DCDC2C: variants seen among roughly 807,000 people sequenced by gnomAD.
DCDC2C encodes the protein doublecortin domain-containing protein 2C.
A neutral mutation model predicts 45.0 loss-of-function variants in DCDC2C; 44 were observed. The observed-to-expected ratio is 0.98, with a 90% CI of 0.77 to 1.26. The LOEUF is 1.26. DCDC2C is among the 50% of genes most tolerant of loss of function. The pLI, the probability that DCDC2C is intolerant of heterozygous loss-of-function variation, is 0.00. For synonymous variants in DCDC2C, 187 were observed against 178.8 expected (o/e 1.05, Z -0.37); for missense variants, 447 against 468.9 (o/e 0.95, Z 0.43).
chr2:3,844,995 G>A (rs924589610), intron 10 of DCDC2C, among the ~76,000 whole-genome samples: 5 of 152,024 alleles, frequency 3.3e-5, no homozygotes, highest in East Asian at 1.9e-4. Context: ...CACAACACAC[G>A]CATCTATGTA....
intron 10 of DCDC2C, among the ~76,000 whole-genome samples, chr2:3,786,700 T>G (rs1157017262): frequency 1.3e-5 from 2 of 151,830 alleles, no homozygotes; most frequent in Non-Finnish European, 2.9e-5. Flanking sequence ...CCGGTGCGGG[T>G]GTGTCCCGCC....
At chr2:3,769,249 T>C in intron 7 of DCDC2C, 62 bp from the exon 8 acceptor site, 3 of 1,480,722 alleles carry the variant, frequency 2.0e-6, no homozygotes, top group Non-Finnish European at 2.8e-6. Context: ...GGTCAGGAAA[T>C]ATGCAGTGGA....
chr2:3,762,250 C>T (rs990620117), intron 6 of DCDC2C, among the ~76,000 whole-genome samples: 3 of 148,240 alleles, frequency 2.0e-5, no homozygotes, highest in Non-Finnish European at 4.4e-5. Flanking sequence ...TGTCCTGCTC[C>T]TGTCCTTGGA....
intron 4 of DCDC2C, among the ~76,000 whole-genome samples, chr2:3,750,585 CT>C (rs1370326930): frequency 6.6e-6 from 1 of 152,086 alleles, no homozygotes; most frequent in Admixed American, 6.6e-5. Flanking sequence ...TGTGTTGCTG[CT>C]GAAAGGCCCC....
intron 3 of DCDC2C, among the ~76,000 whole-genome samples, chr2:3,737,089 G>A (rs1669052675): frequency 6.6e-6 from 1 of 152,100 alleles, no homozygotes; most frequent in Admixed American, 6.5e-5. Context: ...CCCCGCCACT[G>A]CCCATCCAGA....
At chr2:3,808,190 GCTTT>G (rs1368145507) in intron 10 of DCDC2C, among the ~76,000 whole-genome samples, 2 of 152,146 alleles carry the variant, frequency 1.3e-5, no homozygotes, top group Non-Finnish European at 2.9e-5. Flanking sequence ...CTCACCAGCA[GCTTT>G]CTTTATCAAT....
intron 4 of DCDC2C, among the ~76,000 whole-genome samples, chr2:3,749,675 A>G (rs1669480783): frequency 2.0e-5 from 3 of 152,188 alleles, no homozygotes; most frequent in Admixed American, 1.3e-4. Flanking sequence ...TGGGCGGCCA[A>G]GGTGTCCTGT....
intron 10 of DCDC2C, among the ~76,000 whole-genome samples, chr2:3,838,452 CAGAGAG>C (rs61141962): frequency 4.7e-4 from 53 of 112,482 alleles, no homozygotes; most frequent in East Asian, 1.6e-3. Context: ...AGGATCATGA[CAGAGAG>C]AGAGAGAGAG....
intron 3 of DCDC2C, among the ~76,000 whole-genome samples, chr2:3,732,739 A>G (rs935886840): frequency 1.3e-5 from 2 of 152,052 alleles, no homozygotes; most frequent in African/African-American, 4.8e-5. Context: ...GGTGTAGGGC[A>G]TTCTCGTGGT....
intron 6 of DCDC2C, among the ~76,000 whole-genome samples, chr2:3,757,796 A>G (rs956562815): frequency 6.6e-6 from 1 of 152,310 alleles, no homozygotes; most frequent in East Asian, 1.9e-4. Context: ...AGATGCCACC[A>G]GCACCAACCT....
intron 4 of DCDC2C, among the ~76,000 whole-genome samples, chr2:3,751,843 C>T (rs1344470893): frequency 6.6e-6 from 1 of 152,152 alleles, no homozygotes; most frequent in Non-Finnish European, 1.5e-5. Flanking sequence ...TAAAACATAG[C>T]CCTTATCCTC....
chr2:3,725,450 A>G (rs1490342612), intron 2 of DCDC2C, among the ~76,000 whole-genome samples: 12 of 105,506 alleles, frequency 1.1e-4, no homozygotes, highest in Non-Finnish European at 1.9e-4. Context: ...AGACGAGCAG[A>G]GAGGGAGGAG....
chr2:3,745,220 A>G (rs1331692119), intron 4 of DCDC2C, among the ~76,000 whole-genome samples: 1 of 152,146 alleles, frequency 6.6e-6, no homozygotes, highest in Non-Finnish European at 1.5e-5. Flanking sequence ...TCCTGACCTC[A>G]GGTGATCTGC....
chr2:3,838,551 C>T (rs1341722674), intron 10 of DCDC2C, among the ~76,000 whole-genome samples: 1 of 151,870 alleles, frequency 6.6e-6, no homozygotes, highest in Non-Finnish European at 1.5e-5. Flanking sequence ...GACAACTACT[C>T]AGAAGAAAGG....
intron 2 of DCDC2C, among the ~76,000 whole-genome samples, chr2:3,716,164 T>C (rs766041411): frequency 1.8e-4 from 27 of 152,100 alleles, no homozygotes; most frequent in Non-Finnish European, 3.7e-4. Context: ...ATTTAGATCA[T>C]TGTGGTGGCG....
Position 3,754,986 on chromosome 2 carries a change from G to T in DCDC2C, c.726+352G>T, listed in dbSNP as rs771066085. ...GGCATGAGTGGCAGTGGGCTCTGGC[G>T]GGGGGTGGGAGGAGGACATTCCAGG... On this transcript the variant is annotated intron_variant, in intron 6 of 10. Transcript: ENST00000399143. Among the ~76,000 whole-genome samples the T allele has an allele frequency of 2.0e-5, 3 of 152,190 alleles. No homozygotes were observed. In the East Asian group the frequency reaches 5.8e-4, roughly 29 times the overall value.
At chr2:3,721,910 A>C (rs1455564173) in intron 2 of DCDC2C, among the ~76,000 whole-genome samples, 1 of 152,232 alleles carries the variant, frequency 6.6e-6, no homozygotes, top group African/African-American at 2.4e-5. Flanking sequence ...CTCCCCAGCC[A>C]TAGGGAACTA....
In DCDC2C at chr2:3,847,233, G is replaced by A. The variant is rs927477417; in HGVS notation, c.*50G>A. On this transcript the variant is annotated 3_prime_UTR_variant, in exon 11 of 11. Transcript: ENST00000399143. ...AAGTCCACTTTTCTTCAACCATGGG[G>A]CTTCCACGTCACATATGGACATTTT... The A allele has an allele frequency of 1.1e-5, 13 of 1,175,140 alleles. No individual in the cohort carries two copies. The highest frequency in any genetic ancestry group is 1.4e-5 in the Non-Finnish European group (13 of 936,592). 72.8% of individuals were successfully genotyped at this position (1,175,140 alleles called of 1,614,324 possible).
intron 2 of DCDC2C, among the ~76,000 whole-genome samples, chr2:3,713,213 G>T (rs755058565): frequency 6.6e-6 from 1 of 152,168 alleles, no homozygotes; most frequent in South Asian, 2.1e-4. Flanking sequence ...AGACGTCATC[G>T]TAGGAATTTT....
Sources: allele counts gnomAD v4.1 joint callset (sites outside exome capture counted in the v4.1 genomes callset), GRCh38; gene constraint gnomAD v4.1.1; transcripts MANE v1.5; gene names NCBI Gene and HGNC (gene_info 2026-07-23, HGNC 2026-07-21).